The following EPHA6 variants were observed in gnomAD, a reference collection of about 807,000 sequenced individuals.
EPHA6 encodes EPH receptor A6.
A neutral mutation model predicts 112.0 loss-of-function variants in EPHA6; 50 were observed. The observed-to-expected ratio is 0.45, with a 90% CI of 0.36 to 0.56. The LOEUF (loss-of-function observed/expected upper bound fraction) is 0.56, where lower values mean the gene tolerates loss of function less well. Among genes scored for constraint, EPHA6 ranks in the 20% least tolerant of loss-of-function variants. The probability of loss-of-function intolerance (pLI) is 0.00; values close to 1 mark genes in which losing one functional copy is unlikely to be tolerated. For missense variants in EPHA6, 1,280 were observed against 1,417.4 expected, an observed-to-expected ratio of 0.90 and a Z score of 1.56; for synonymous variants, 529 against 490.7, an observed-to-expected ratio of 1.08 and a Z score of -1.03.
In EPHA6 at chr3:97,637,898, T is replaced by A; in HGVS notation, c.2600T>A (p.Ile867Asn). 1 of 1,613,896 alleles carries A rather than the reference T, an allele frequency of 6.2e-7. No individual in the cohort carries two copies. The highest frequency in any genetic ancestry group is 8.5e-7 in the Non-Finnish European group (1 of 1,179,798). Residue 867 changes from isoleucine to asparagine, a missense_variant, in exon 14 of 18, where the codon ATC becomes AAC. Transcript: ENST00000389672. The stretch of plus-strand genomic sequence containing the variant: ...AAGCATGATGGCCACTTCACAGTCA[T>A]CCAGTTGGTCGGAATGCTCCGAGGC... The part of the protein sequence containing the change: ...LRKHDGHFTV[I>N]QLVGMLRGIA...
At chr3:97,680,546 T>C (rs899111465) in intron 14 of EPHA6, among the ~76,000 whole-genome samples, 2 of 152,192 alleles carry the variant, frequency 1.3e-5, no homozygotes, top group Non-Finnish European at 2.9e-5. Context: ...ATGTGAAAAG[T>C]GAAAAACAGT....
At chr3:97,363,037 T>G (rs1276095319) in intron 5 of EPHA6, among the ~76,000 whole-genome samples, 1 of 150,016 alleles carries the variant, frequency 6.7e-6, no homozygotes, top group Non-Finnish European at 1.5e-5. Context: ...TGTAATTTAC[T>G]TAGTATAAGA....
At chr3:97,001,050 ATG>A (rs566188025) in intron 3 of EPHA6, among the ~76,000 whole-genome samples, 10 of 149,652 alleles carry the variant, frequency 6.7e-5, no homozygotes, top group Admixed American at 3.3e-4. Context: ...GTTCGTATAT[ATG>A]TGTGTGTGTG....
intron 10 of EPHA6, among the ~76,000 whole-genome samples, chr3:97,488,573 G>A (rs1165092370): frequency 6.6e-6 from 1 of 152,074 alleles, no homozygotes; most frequent in South Asian, 2.1e-4. Context: ...CTGTATTTTT[G>A]TTTGTCTTTT....
At chr3:96,998,138 T>C (rs2043491684) in intron 3 of EPHA6, among the ~76,000 whole-genome samples, 1 of 151,880 alleles carries the variant, frequency 6.6e-6, no homozygotes, top group African/African-American at 2.4e-5. Context: ...AAAGTCAAAT[T>C]TATGTAAATA....
chr3:97,121,699 A>G (rs1168156420), intron 3 of EPHA6, among the ~76,000 whole-genome samples: 2 of 152,058 alleles, frequency 1.3e-5, no homozygotes, highest in African/African-American at 4.8e-5. Context: ...TAACTGCAAG[A>G]TTTAATTTTT....
chr3:97,131,839 A>T (rs1383426316), intron 3 of EPHA6, among the ~76,000 whole-genome samples: 1 of 152,146 alleles, frequency 6.6e-6, no homozygotes, highest in Non-Finnish European at 1.5e-5. Context: ...ACGTTATTAT[A>T]CAGGTTGTAT....
intron 5 of EPHA6, among the ~76,000 whole-genome samples, chr3:97,364,865 T>C (rs2084624758): frequency 6.6e-6 from 1 of 152,154 alleles, no homozygotes; most frequent in African/African-American, 2.4e-5. Context: ...AGACTTAAAC[T>C]TGAGGTGTCT....
chr3:96,951,626 G>T (rs2041539096), intron 2 of EPHA6, among the ~76,000 whole-genome samples: 1 of 152,048 alleles, frequency 6.6e-6, no homozygotes, highest in African/African-American at 2.4e-5. Context: ...ACTCGAGGGA[G>T]CCATATTATG....
chr3:97,070,563 C>T (rs1051245467), intron 3 of EPHA6, among the ~76,000 whole-genome samples: 1 of 152,098 alleles, frequency 6.6e-6, no homozygotes, highest in African/African-American at 2.4e-5. Flanking sequence ...TCTCATTATA[C>T]TCAGTAATGA....
Position 96,886,938 on chromosome 3 carries a change from G to GT in EPHA6, c.450+20055dup, listed in dbSNP as rs1182914617. Among the ~76,000 whole-genome samples the GT allele has an allele frequency of 9.9e-5, 15 of 152,020 alleles. No homozygotes were observed. The East Asian group carries it at 2.5e-3, about 26-fold the overall frequency. On this transcript the variant is annotated intron_variant, in intron 2 of 17. Coordinates refer to ENST00000389672, the MANE Select transcript of EPHA6 (RefSeq NM_001080448.3). ...TGTGTCCAAAGTTTCCTGAATTTTT[G>GT]TTTTTTCTTTAAACTATCTATTTTC... is the stretch of plus-strand genomic sequence containing the variant.
chr3:97,020,181 A>G (rs188582182), intron 3 of EPHA6, among the ~76,000 whole-genome samples: 1 of 152,262 alleles, frequency 6.6e-6, no homozygotes, highest in Admixed American at 6.5e-5. Context: ...CCCCAACTGC[A>G]ATGAAGATTG....
chr3:97,542,391 A>G (rs1192597131), intron 11 of EPHA6, among the ~76,000 whole-genome samples: 1 of 152,132 alleles, frequency 6.6e-6, no homozygotes, highest in African/African-American at 2.4e-5. Flanking sequence ...GATGGTTTCC[A>G]GTTTCATCCA....
At chr3:97,327,985 ATATGTATATGTGTATGTATATG>A (rs2082542919) in intron 5 of EPHA6, among the ~76,000 whole-genome samples, 3 of 141,030 alleles carry the variant, frequency 2.1e-5, no homozygotes, top group African/African-American at 8.6e-5. Flanking sequence ...ATGTGCATAT[ATATGTATATGTGTATGTATATG>A]TATATGTGTA....
At chr3:97,407,616 T>A (rs990503428) in intron 6 of EPHA6, among the ~76,000 whole-genome samples, 1 of 152,108 alleles carries the variant, frequency 6.6e-6, no homozygotes, top group African/African-American at 2.4e-5. Context: ...TCACTTTTCT[T>A]TTTCATACTC....
At chr3:97,412,115 A>G (rs911044781) in intron 6 of EPHA6, among the ~76,000 whole-genome samples, 1 of 152,026 alleles carries the variant, frequency 6.6e-6, no homozygotes, top group Non-Finnish European at 1.5e-5. Context: ...GAACCCCATC[A>G]ATATCTAAAT....
At chr3:97,244,599 C>T (rs896940677) in intron 5 of EPHA6, 4 of 368,292 alleles carry the variant, frequency 1.1e-5, no homozygotes, top group Non-Finnish European at 1.9e-5. Context: ...AGTCAGAAAT[C>T]AATAAAATGT....
intron 10 of EPHA6, among the ~76,000 whole-genome samples, chr3:97,491,086 T>C (rs1369338488): frequency 6.6e-6 from 1 of 152,118 alleles, no homozygotes; most frequent in African/African-American, 2.4e-5. Context: ...TCACAGTGTT[T>C]TATAACCTAA....
At position 97,615,508 on chromosome 3, in the gene EPHA6, T is replaced by C. The variant is rs2093758194; in HGVS notation, c.2574+4654T>C. On this transcript the variant is annotated intron_variant, in intron 13 of 17. Coordinates refer to ENST00000389672, the MANE Select transcript of EPHA6 (RefSeq NM_001080448.3). ...CCCACCTCCACAGTAGCCTACGGGA[T>C]AAGACCTACTGGCTTGAAATTCCAG... Among the ~76,000 whole-genome samples the C allele has an allele frequency of 3.3e-5, 5 of 152,136 alleles. No homozygotes were observed. In the South Asian group the frequency reaches 1.0e-3, roughly 31 times the overall value.
Sources: allele counts gnomAD v4.1 joint callset (sites outside exome capture counted in the v4.1 genomes callset), GRCh38; gene constraint gnomAD v4.1.1; transcripts MANE v1.5; gene names NCBI Gene and HGNC (gene_info 2026-07-23, HGNC 2026-07-21).